Variants in CLMN observed in about 807,000 individuals in gnomAD.
CLMN encodes the protein calmin.
Under a neutral mutation model 92.7 loss-of-function variants are expected in CLMN, and 57 were observed. The ratio of observed to expected loss-of-function variants is 0.61; its 90% CI spans 0.50 to 0.77. The LOEUF is 0.77. Ranked by LOEUF, CLMN falls within the 30% of genes least tolerant of loss-of-function variation. The probability of loss-of-function intolerance (pLI) is 0.00; values close to 1 mark genes in which losing one functional copy is unlikely to be tolerated. For missense variants in CLMN, 1,158 were observed against 1,237.5 expected (o/e 0.94, Z 0.96); for synonymous variants, 466 against 470.6 (o/e 0.99, Z 0.13).
intron 9 of CLMN, 67 bp from the exon 10 acceptor site, chr14:95,196,761 C>T (rs189614828): frequency 3.9e-4 from 586 of 1,500,820 alleles, no homozygotes; most frequent in Non-Finnish European, 5.0e-4. Flanking sequence ...GTGACATCAC[C>T]CAGCAGTGCT....
At chr14:95,213,113 A>G in intron 6 of CLMN, 106 bp downstream of exon 6, 1 of 1,217,796 alleles carries the variant, frequency 8.2e-7, no homozygotes, top group Non-Finnish European at 1.2e-6. Flanking sequence ...ATATGAAGCA[A>G]TGGGCACATA....
intron 12 of CLMN, chr14:95,192,018 C>T (rs564673324): frequency 2.7e-5 from 8 of 292,568 alleles, no homozygotes; most frequent in East Asian, 2.5e-4. Context: ...CTGAGGCTTT[C>T]GGGGTGGAGT....
intron 1 of CLMN, among the ~76,000 whole-genome samples, chr14:95,288,406 C>T (rs1430345255): frequency 1.3e-5 from 2 of 152,154 alleles, no homozygotes; most frequent in Admixed American, 6.5e-5. Context: ...GGGGAAGGAA[C>T]AGTGCGCTAG....
intron 1 of CLMN, among the ~76,000 whole-genome samples, chr14:95,264,156 T>C (rs554971069): frequency 6.6e-5 from 10 of 152,098 alleles, no homozygotes; most frequent in African/African-American, 2.4e-4. Flanking sequence ...CCTCCCACCT[T>C]AGCCTCCTGA....
intron 1 of CLMN, among the ~76,000 whole-genome samples, chr14:95,270,375 C>G (rs903069772): frequency 2.0e-5 from 3 of 152,128 alleles, no homozygotes; most frequent in African/African-American, 4.8e-5. Flanking sequence ...TATAACCATA[C>G]CACAATCTAA....
chr14:95,213,076 C>G, intron 6 of CLMN, 143 bp downstream of exon 6: 1 of 870,826 alleles, frequency 1.1e-6, no homozygotes. Context: ...CATGAGCCAC[C>G]GCGCCTGCCC....
chr14:95,303,823 G>T (rs1456528564), intron 1 of CLMN, among the ~76,000 whole-genome samples: 1 of 152,234 alleles, frequency 6.6e-6, no homozygotes, highest in Non-Finnish European at 1.5e-5. Flanking sequence ...GGAAGGGAGA[G>T]ATTTCTCAGA....
intron 1 of CLMN, among the ~76,000 whole-genome samples, chr14:95,236,373 C>CA (rs1296171738): frequency 6.6e-6 from 1 of 152,238 alleles, no homozygotes; most frequent in Non-Finnish European, 1.5e-5. Flanking sequence ...CCCATGCCCC[C>CA]ACCCAGAACA....
intron 1 of CLMN, among the ~76,000 whole-genome samples, chr14:95,237,990 G>GA (rs1566886225): frequency 6.6e-6 from 1 of 152,136 alleles, no homozygotes; most frequent in African/African-American, 2.4e-5. Flanking sequence ...TAAACCAGAT[G>GA]AAAAAACATC....
At position 95,186,559 on chromosome 14, in the gene CLMN, G is replaced by A. The variant is rs955947851; in HGVS notation, c.*5005C>T. 6 of 152,224 alleles carry A rather than the reference G, an allele frequency of 3.9e-5. No individual in the cohort carries two copies. Among genetic ancestry groups the A allele is most frequent in the African/African-American group, 1.4e-4 (6 of 41,458 alleles). The allele number at this position is 152,224 out of a possible 1,614,324, so 9.4% of individuals were successfully genotyped here. On this transcript the variant is annotated 3_prime_UTR_variant, in exon 13 of 13. Transcript: ENST00000298912. ...TGTTTGTTTGCTGGCAAACACCTGT[G>A]TGGACTACTTGTTTCTTTATTTTTG... is the stretch of plus-strand genomic sequence containing the variant.
At chr14:95,204,717 T>A (rs1437936248) in intron 8 of CLMN, among the ~76,000 whole-genome samples, 2 of 152,194 alleles carry the variant, frequency 1.3e-5, no homozygotes, top group Non-Finnish European at 2.9e-5. Flanking sequence ...AAATACCATG[T>A]TTTTTAAAAA....
chr14:95,241,035 G>T (rs551153281), intron 1 of CLMN, among the ~76,000 whole-genome samples: 3 of 152,004 alleles, frequency 2.0e-5, no homozygotes, highest in Non-Finnish European at 4.4e-5. Flanking sequence ...AGCTTGACAG[G>T]CCTAGCAAGA....
chr14:95,274,145 C>T (rs1220872623), intron 1 of CLMN, among the ~76,000 whole-genome samples: 1 of 152,174 alleles, frequency 6.6e-6, no homozygotes, highest in Non-Finnish European at 1.5e-5. Flanking sequence ...CCCTAATTTG[C>T]CATCCAGACC....
At chr14:95,298,619 G>T (rs889974549) in intron 1 of CLMN, among the ~76,000 whole-genome samples, 2 of 152,122 alleles carry the variant, frequency 1.3e-5, no homozygotes, top group African/African-American at 4.8e-5. Flanking sequence ...GTTAATCTTG[G>T]GTCAGAACGT....
At chr14:95,216,692 C>T (rs1249867957) in intron 4 of CLMN, among the ~76,000 whole-genome samples, 2 of 152,170 alleles carry the variant, frequency 1.3e-5, no homozygotes, top group Non-Finnish European at 2.9e-5. Context: ...TAGAAAAGAT[C>T]CCACTGATTA....
intron 1 of CLMN, among the ~76,000 whole-genome samples, chr14:95,309,820 C>G (rs902548201): frequency 1.3e-5 from 2 of 151,986 alleles, no homozygotes; most frequent in African/African-American, 4.9e-5. Flanking sequence ...GAAGGCTTGA[C>G]AGCCATTTGT....
At chr14:95,296,728 T>C (rs1230448804) in intron 1 of CLMN, among the ~76,000 whole-genome samples, 1 of 152,218 alleles carries the variant, frequency 6.6e-6, no homozygotes, top group Non-Finnish European at 1.5e-5. Flanking sequence ...AAGAGCTACA[T>C]GGTGGGATGG....
chr14:95,202,023 A>G (rs1247518138), intron 9 of CLMN, among the ~76,000 whole-genome samples: 2 of 152,186 alleles, frequency 1.3e-5, no homozygotes, highest in Non-Finnish European at 2.9e-5. Flanking sequence ...TATTGTAAAT[A>G]GTGTTGCAAT....
chr14:95,242,872 T>C (rs1898310682), intron 1 of CLMN, among the ~76,000 whole-genome samples: 1 of 152,204 alleles, frequency 6.6e-6, no homozygotes, highest in Non-Finnish European at 1.5e-5. Context: ...CAGCCTGGCA[T>C]CTCTATTTTT....
Sources: allele counts gnomAD v4.1 joint callset (sites outside exome capture counted in the v4.1 genomes callset), GRCh38; gene constraint gnomAD v4.1.1; transcripts MANE v1.5; gene names NCBI Gene and HGNC (gene_info 2026-07-23, HGNC 2026-07-21).